CLCA4: variants seen among roughly 807,000 people sequenced by gnomAD.
CLCA4 encodes calcium-activated chloride channel regulator 4.
A neutral mutation model predicts 78.9 loss-of-function variants in CLCA4; 69 were observed. That is an observed-to-expected ratio of 0.87 (90% CI 0.72 to 1.07). The LOEUF (loss-of-function observed/expected upper bound fraction) is 1.07, where lower values mean the gene tolerates loss of function less well. CLCA4 is among the 50% of genes least tolerant of loss of function. The pLI is 0.00. For missense variants in CLCA4, 1,133 were observed against 1,095.8 expected, an observed-to-expected ratio of 1.03 and a Z score of -0.48; for synonymous variants, 362 against 375.8, an observed-to-expected ratio of 0.96 and a Z score of 0.42.
intron 11 of CLCA4, among the ~76,000 whole-genome samples, chr1:86,576,490 T>C (rs2101818505): frequency 6.6e-6 from 1 of 152,194 alleles, no homozygotes; most frequent in South Asian, 2.1e-4. Context: ...GCCATACATG[T>C]AATTTTTTGT....
At chr1:86,579,612 T>C (rs772402328) in intron 13 of CLCA4, 25 bp downstream of exon 13, 1 of 1,592,878 alleles carries the variant, frequency 6.3e-7, no homozygotes, top group South Asian at 1.1e-5. Context: ...TCATGTGATT[T>C]TGACTTAAGT....
rs765436950 is a variant in CLCA4, at chr1:86,560,019, A to C, written c.247A>C (p.Asn83His). 1 of 1,609,078 alleles carries C rather than the reference A, an allele frequency of 6.2e-7. No homozygotes were observed. Among genetic ancestry groups the C allele is most frequent in the Non-Finnish European group, 8.5e-7 (1 of 1,177,916 alleles). The change falls in exon 2 of 14, where the codon AAT (asparagine) becomes CAT (histidine). Residue 83 changes from asparagine to histidine, a missense_variant. Transcript: ENST00000370563. ...FKNVSILIPENWKENPQYKRP... is the reference protein window; with the variant it reads ...FKNVSILIPEHWKENPQYKRP... ...AAATGTATCTATATTAATTCCTGAG[A>C]ATTGGAAGGAAAATCCTCAGTACAA...
rs750451354 is a variant in CLCA4 at position 86,575,567 on chromosome 1, C to T, written c.1919C>T (p.Thr640Ile). ...TAFIESQNGH[T>I]EVLELLDNGA... ...TTCATTGAATCACAGAATGGACATA[C>T]AGAAGTTTTGGAACTTTTGGATAAT... Residue 640 changes from threonine (T) to isoleucine (I), a missense_variant, in exon 11 of 14, where the codon ACA becomes ATA. Physicochemically the swap from Thr to Ile is moderately conservative, Grantham distance 89 (BLOSUM62 -1). Coordinates refer to ENST00000370563, the MANE Select transcript of CLCA4 (RefSeq NM_012128.4). 3.2e-5 allele frequency: 51 copies of T among 1,612,760 alleles called. No individual in the cohort carries two copies. The highest frequency in any genetic ancestry group is 4.3e-5 in the Non-Finnish European group (51 of 1,179,302).
chr1:86,560,468 T>C, intron 3 of CLCA4, 110 bp downstream of exon 3: 1 of 1,073,616 alleles, frequency 9.3e-7, no homozygotes. Flanking sequence ...AAATCCTGGC[T>C]CCCCTACTTA....
intron 7 of CLCA4, among the ~76,000 whole-genome samples, chr1:86,568,762 A>G (rs1380119154): frequency 6.6e-6 from 1 of 151,586 alleles, no homozygotes; most frequent in Non-Finnish European, 1.5e-5. Context: ...TTTTCTCCCA[A>G]CTCTGCATGT....
At chr1:86,551,089 C>T (rs985132618) in intron 1 of CLCA4, among the ~76,000 whole-genome samples, 11 of 152,018 alleles carry the variant, frequency 7.2e-5, no homozygotes, top group African/African-American at 2.7e-4. Context: ...CCTCGGCCTC[C>T]CAAAGTGCTG....
chr1:86,580,123 A>C lies in CLCA4; in HGVS notation c.2538A>C (p.Lys846Asn), dbSNP rs779030306. The change falls in exon 14 of 14, where the codon AAA (lysine) becomes AAC (asparagine). Residue 846 changes from lysine (K) to asparagine (N), a missense_variant. Transcript: ENST00000370563. The stretch of plus-strand genomic sequence containing the variant: ...CAACCCACATATTTATTGCCATTAA[A>C]AGTATAGATAAAAGCAATTTGACAT... ...ENATHIFIAI[K>N]SIDKSNLTSK... 4.3e-6 allele frequency: 7 copies of C among 1,612,668 alleles called. No individual in the cohort carries two copies. Among genetic ancestry groups the C allele is most frequent in the Non-Finnish European group, 5.9e-6 (7 of 1,179,334 alleles).
At position 86,571,363 on chromosome 1, in the gene CLCA4, G is replaced by C. The variant is rs1024787913; in HGVS notation, c.1360+109G>C. 5 of 1,040,532 alleles carry C rather than the reference G, an allele frequency of 4.8e-6. No individual in the cohort carries two copies. In the African/African-American group the frequency reaches 8.0e-5, roughly 17 times the overall value. 64.5% of individuals were successfully genotyped at this position (1,040,532 alleles called of 1,614,324 possible). ...TCTGCCTTGGAGGCACTGAAGCTGG[G>C]GACCAGACCCAATCTCTGTTCTCGT... On this transcript the variant is annotated intron_variant, in intron 8 of 13. Coordinates refer to ENST00000370563, the MANE Select transcript of CLCA4 (RefSeq NM_012128.4).
Position 86,580,191 on chromosome 1 carries a change from A to G in CLCA4, c.2606A>G (p.Gln869Arg), listed in dbSNP as rs761190446. The G allele has an allele frequency of 6.2e-7, 1 of 1,608,800 alleles. No homozygotes were observed. Among genetic ancestry groups the G allele is most frequent in the Admixed American group, 1.7e-5 (1 of 59,066 alleles). The change falls in exon 14 of 14, where the codon CAA becomes CGA. Residue 869 changes from glutamine to arginine, a missense_variant. Gln to Arg is a conservative substitution (Grantham distance 43, BLOSUM62 1). Transcript: ENST00000370563. ...NIAQVTLFIP[Q>R]ANPDDIDPTP... The stretch of plus-strand genomic sequence containing the variant: ...GCACAAGTAACTTTGTTTATCCCTC[A>G]AGCAAATCCTGATGACATTGATCCT...
intron 1 of CLCA4, chr1:86,552,577 G>A (rs1055467335): frequency 1.2e-5 from 7 of 585,476 alleles, no homozygotes; most frequent in African/African-American, 3.8e-5. Context: ...GTGCTCACGT[G>A]TCCACGCGTC....
chr1:86,575,203 T>C, intron 10 of CLCA4, 129 bp from the exon 11 acceptor site: 1 of 804,842 alleles, frequency 1.2e-6, no homozygotes, highest in East Asian at 2.7e-5. Flanking sequence ...CCCTTACCCA[T>C]TTATCCTCAA....
chr1:86,556,728 C>A (rs756109250), intron 1 of CLCA4, among the ~76,000 whole-genome samples: 7 of 152,150 alleles, frequency 4.6e-5, no homozygotes, highest in African/African-American at 9.7e-5. Context: ...TCCCTCCCTC[C>A]TCAAATTTTT....
chr1:86,579,522 C>T lies in CLCA4; in HGVS notation c.2291C>T (p.Thr764Ile), dbSNP rs1426524473. ...AGTCAAATCACAGACCTTGATGCCA[C>T]AGTTCATGAGGATAAGATTATTCTT... ...PPSQITDLDA[T>I]VHEDKIILTW... is the part of the protein sequence containing the mutation. The change falls in exon 13 of 14, where the codon ACA (threonine) becomes ATA (isoleucine). Residue 764 changes from threonine to isoleucine, a missense_variant. Coordinates refer to ENST00000370563, the MANE Select transcript of CLCA4 (RefSeq NM_012128.4). 3 of 1,613,088 alleles carry T rather than the reference C, an allele frequency of 1.9e-6. No homozygotes were observed. Among genetic ancestry groups the T allele is most frequent in the Non-Finnish European group, 2.5e-6 (3 of 1,179,398 alleles).
intron 6 of CLCA4, among the ~76,000 whole-genome samples, chr1:86,567,123 G>A (rs748645556): frequency 5.3e-4 from 80 of 151,954 alleles, no homozygotes; most frequent in African/African-American, 1.8e-3. Context: ...TCTCTAAGAT[G>A]TGTCTCCTCA....
intron 1 of CLCA4, among the ~76,000 whole-genome samples, chr1:86,555,761 A>G (rs542853925): frequency 3.9e-5 from 6 of 152,326 alleles, no homozygotes; most frequent in African/African-American, 1.4e-4. Context: ...TGATAGGAAT[A>G]GCAATGAATC....
At position 86,569,969 on chromosome 1, in the gene CLCA4, C is replaced by T. The variant is rs192329146; in HGVS notation, c.1183-1108C>T. ...TGGATCTTCATTTTGTACTTAAATGCGTGGGAGAAGTGTGATGGAGATGCT... is the reference window on the plus strand; with the variant it reads ...TGGATCTTCATTTTGTACTTAAATGTGTGGGAGAAGTGTGATGGAGATGCT... On this transcript the variant is annotated intron_variant, in intron 7 of 13. Transcript: ENST00000370563. Among the ~76,000 whole-genome samples the T allele has an allele frequency of 1.4e-4, 22 of 152,012 alleles. No homozygotes were observed. In the East Asian group the frequency reaches 3.3e-3, roughly 23 times the overall value.
At position 86,572,669 on chromosome 1, in the gene CLCA4, T is replaced by C; in HGVS notation, c.1416T>C (p.Ala472=). Residue 472 remains alanine (A), a synonymous_variant, in exon 9 of 14, where the codon GCT becomes GCC. Transcript: ENST00000370563. The part of the protein sequence containing the change: ...DEAQNNGLID[A]FGALTSGNTD... The stretch of plus-strand genomic sequence containing the variant: ...CTCAGAACAATGGCCTCATTGATGC[T>C]TTTGGGGCTCTTACATCAGGAAATA... 3.7e-6 allele frequency: 6 copies of C among 1,609,790 alleles called. No individual in the cohort carries two copies. The highest frequency in any genetic ancestry group is 5.1e-6 in the Non-Finnish European group (6 of 1,176,496).
chr1:86,547,786 A>G (rs1252559269), intron 1 of CLCA4, among the ~76,000 whole-genome samples: 2 of 152,142 alleles, frequency 1.3e-5, no homozygotes, highest in East Asian at 3.8e-4. Flanking sequence ...TGCTGCCACA[A>G]ATGAAGCAAT....
intron 9 of CLCA4, among the ~76,000 whole-genome samples, chr1:86,574,054 G>T (rs2101815596): frequency 6.6e-6 from 1 of 152,096 alleles, no homozygotes; most frequent in Non-Finnish European, 1.5e-5. Flanking sequence ...AAAAATGGTT[G>T]GCTCTTCTGG....
Sources: gnomAD v4.1 joint callset for allele counts (sites outside exome capture counted in the v4.1 genomes callset) on GRCh38, gnomAD v4.1.1 for gene constraint, MANE v1.5 for transcripts, NCBI Gene and HGNC (gene_info 2026-07-23, HGNC 2026-07-21) for gene names.